HDDC2: variants seen among roughly 807,000 people sequenced by gnomAD.
The protein encoded by HDDC2 is 5'-deoxynucleotidase HDDC2.
In HDDC2, 25 loss-of-function variants were observed where a neutral mutation model predicts 25.5. The observed-to-expected ratio is 0.98, with a 90% confidence interval of 0.72 to 1.37. The LOEUF (loss-of-function observed/expected upper bound fraction) is 1.37. Ranked by LOEUF, HDDC2 falls within the 40% of genes most tolerant of loss-of-function variation. The probability of loss-of-function intolerance (pLI) is 0.00; values close to 1 mark genes in which losing one functional copy is unlikely to be tolerated. For synonymous variants in HDDC2, 106 were observed against 89.7 expected, an observed-to-expected ratio of 1.18 and a Z score of -1.03; for missense variants, 264 against 253.1, an observed-to-expected ratio of 1.04 and a Z score of -0.29.
At chr6:125,281,180 C>T (rs1426647552) in intron 4 of HDDC2, among the ~76,000 whole-genome samples, 3 of 152,130 alleles carry the variant, frequency 2.0e-5, no homozygotes, top group Non-Finnish European at 2.9e-5. Flanking sequence ...AAAGGACAAC[C>T]ACACAAAAAC....
At chr6:125,292,780 A>G in intron 4 of HDDC2, 61 bp downstream of exon 4, 1 of 1,249,154 alleles carries the variant, frequency 8.0e-7, no homozygotes, top group East Asian at 2.3e-5. Flanking sequence ...CAAGTACAAC[A>G]TCAGGGAGCC....
intron 1 of HDDC2, 78 bp from the exon 2 acceptor site, chr6:125,300,737 G>GGATATAACACA: frequency 7.1e-7 from 1 of 1,400,646 alleles, no homozygotes; most frequent in Non-Finnish European, 9.7e-7. Context: ...GAGATGTCCA[G>GGATATAACACA]GATATAACAC....
At chr6:125,301,301 T>G (rs1044227874) in intron 1 of HDDC2, among the ~76,000 whole-genome samples, 2 of 152,136 alleles carry the variant, frequency 1.3e-5, no homozygotes, top group African/African-American at 4.8e-5. Context: ...GTGTATTACA[T>G]TAAATCCCGT....
intron 4 of HDDC2, among the ~76,000 whole-genome samples, chr6:125,279,967 C>T (rs1398354943): frequency 6.6e-6 from 1 of 152,180 alleles, no homozygotes; most frequent in African/African-American, 2.4e-5. Context: ...CGAATAGGAA[C>T]AGCTCTGGTC....
intron 4 of HDDC2, among the ~76,000 whole-genome samples, chr6:125,280,361 A>C (rs1562435244): frequency 1.3e-5 from 2 of 152,004 alleles, no homozygotes; most frequent in African/African-American, 4.8e-5. Context: ...TTCATACCCC[A>C]GTGGAACCTG....
At chr6:125,287,549 G>C (rs1798558051) in intron 4 of HDDC2, among the ~76,000 whole-genome samples, 1 of 152,202 alleles carries the variant, frequency 6.6e-6, no homozygotes, top group African/African-American at 2.4e-5. Flanking sequence ...TGAGGCTGTT[G>C]AGTCGAGGTT....
Position 125,300,590 on chromosome 6 carries a change from G to A in HDDC2, c.154C>T (p.Arg52Trp), listed in dbSNP as rs200454435. The A allele has an allele frequency of 3.7e-4, 601 of 1,614,042 alleles. No homozygotes were observed. Among genetic ancestry groups the A allele is most frequent in the Non-Finnish European group, 4.9e-4 (583 of 1,179,998 alleles). ...RPESVSDHMY[R>W]MAVMAMVIKD... is the part of the protein sequence containing the mutation. ...ATCACCATAGCCATAACTGCCATCC[G>A]GTACATGTGATCTGAAACGCTCTCC... The change falls in exon 2 of 6, where the codon CGG becomes TGG. Residue 52 changes from arginine (R) to tryptophan (W), a missense_variant. Transcript: ENST00000398153.
At chr6:125,296,660 T>C (rs1025686548) in intron 3 of HDDC2, among the ~76,000 whole-genome samples, 2 of 152,220 alleles carry the variant, frequency 1.3e-5, no homozygotes, top group African/African-American at 2.4e-5. Context: ...TGTTTCCCCA[T>C]TGCCTTCTGC....
At position 125,276,016 on chromosome 6, in the gene HDDC2, T is replaced by G. The variant is rs990990755; in HGVS notation, c.*130A>C. The G allele has an allele frequency of 2.9e-6, 2 of 695,726 alleles. No homozygotes were observed. Among genetic ancestry groups the G allele is most frequent in the Non-Finnish European group, 5.0e-6 (2 of 403,166 alleles). The allele number at this position is 695,726 out of a possible 1,614,324, so 43.1% of individuals were successfully genotyped here. ...GCCCAAGTTGTATCACATTTCTTGC[T>G]GAAGTTCAGACAATTGAAAACAAAC... On this transcript the variant is annotated 3_prime_UTR_variant, in exon 6 of 6. Coordinates refer to ENST00000398153, the MANE Select transcript of HDDC2 (RefSeq NM_016063.3).
At chr6:125,284,503 G>C (rs1269873556) in intron 4 of HDDC2, among the ~76,000 whole-genome samples, 1 of 152,128 alleles carries the variant, frequency 6.6e-6, no homozygotes, top group Non-Finnish European at 1.5e-5. Context: ...AGTGGGCAAA[G>C]GATATGAACA....
At chr6:125,293,820 A>C (rs1798665215) in intron 3 of HDDC2, among the ~76,000 whole-genome samples, 2 of 152,180 alleles carry the variant, frequency 1.3e-5, no homozygotes, top group Non-Finnish European at 1.5e-5. Flanking sequence ...CAAACCAGGC[A>C]TTCAGGGGCC....
chr6:125,296,702 G>T (rs3778449), intron 3 of HDDC2, among the ~76,000 whole-genome samples: 1 of 152,124 alleles, frequency 6.6e-6, no homozygotes, highest in Non-Finnish European at 1.5e-5. Context: ...GAATCAGCAG[G>T]AGTGGGCAGC....
chr6:125,294,283 T>C (rs1233997722), intron 3 of HDDC2, among the ~76,000 whole-genome samples: 1 of 152,232 alleles, frequency 6.6e-6, no homozygotes, highest in African/African-American at 2.4e-5. Flanking sequence ...TATTTATTTA[T>C]TACTGGGAGA....
At chr6:125,277,784 A>G (rs1268109657) in intron 4 of HDDC2, 1 of 152,440 alleles carries the variant, frequency 6.6e-6, no homozygotes, top group African/African-American at 2.4e-5. Context: ...AGTTAAGACT[A>G]TTGAGGATAG....
chr6:125,278,103 G>A (rs1798399686), intron 4 of HDDC2: 1 of 152,178 alleles, frequency 6.6e-6, no homozygotes, highest in Non-Finnish European at 1.5e-5. Flanking sequence ...TAACAAACCT[G>A]TCATGGTTTC....
At chr6:125,298,639 G>A in intron 3 of HDDC2, 75 bp downstream of exon 3, 1 of 1,019,702 alleles carries the variant, frequency 9.8e-7, no homozygotes, top group African/African-American at 1.6e-5. Flanking sequence ...ACTGTAACAG[G>A]TCTCATAAAC....
rs372628815 is a variant in HDDC2, at chr6:125,287,388, TA to T, written c.378+5452del. 1.3e-3 allele frequency among the ~76,000 whole-genome samples: 192 copies of T among 152,320 alleles called. 3 individuals carry two copies. The highest frequency in any genetic ancestry group is 4.2e-3 in the African/African-American group (175 of 41,558). ...GCTTCTGGGGTGAATGAAAAAGTTCTAAATCTTTACCTGAGTTGTAGTTAGA... is the reference window on the plus strand; with the variant it reads ...GCTTCTGGGGTGAATGAAAAAGTTCTAATCTTTACCTGAGTTGTAGTTAGA... On this transcript the variant is annotated intron_variant, in intron 4 of 5. Transcript: ENST00000398153.
chr6:125,296,898 G>A (rs1466758175), intron 3 of HDDC2, among the ~76,000 whole-genome samples: 1 of 152,176 alleles, frequency 6.6e-6, no homozygotes, highest in Non-Finnish European at 1.5e-5. Flanking sequence ...TGTTGGAGAT[G>A]GTTCACACTG....
Position 125,300,591 on chromosome 6 carries a change from G to A in HDDC2, c.153C>T (p.Tyr51=). ...TCACCATAGCCATAACTGCCATCCG[G>A]TACATGTGATCTGAAACGCTCTCCG... ...QRPESVSDHM[Y]RMAVMAMVIK... The change falls in exon 2 of 6, where the codon TAC becomes TAT. Residue 51 remains tyrosine (Y), a synonymous_variant. Transcript: ENST00000398153. 6.2e-7 allele frequency: 1 copy of A among 1,614,080 alleles called. No individual in the cohort carries two copies. Among genetic ancestry groups the A allele is most frequent in the Non-Finnish European group, 8.5e-7 (1 of 1,179,996 alleles).
Sources: gnomAD v4.1 joint callset for allele counts (sites outside exome capture counted in the v4.1 genomes callset) on GRCh38, gnomAD v4.1.1 for gene constraint, MANE v1.5 for transcripts, NCBI Gene and HGNC (gene_info 2026-07-23, HGNC 2026-07-21) for gene names.